MTNR1A: variants seen among roughly 807,000 people sequenced by gnomAD.
The protein encoded by MTNR1A is melatonin receptor 1A.
In MTNR1A, 7 loss-of-function variants were observed where a neutral mutation model predicts 5.5. The observed-to-expected ratio is 1.28, with a 90% CI of 0.73 to 2.40. The LOEUF is 2.40. MTNR1A is among the 30% of genes most tolerant of loss of function. The pLI is 0.00. For missense variants in MTNR1A, 441 were observed against 464.4 expected (o/e 0.95, Z 0.46); for synonymous variants, 196 against 202.7 (o/e 0.97, Z 0.28).
Position 186,533,799 on chromosome 4 carries a change from T to C in MTNR1A, c.943A>G (p.Thr315Ala), listed in dbSNP as rs562659160. ...CTGTCCACAAAGAACACCCTGGCTG[T>C]ACAGAGCGAGACTATAATTCTCCTG... is the stretch of plus-strand genomic sequence containing the variant. Reference protein sequence around the residue: ...EYRRIIVSLCTARVFFVDSSN... With the variant: ...EYRRIIVSLCAARVFFVDSSN... The change falls in exon 2 of 2, where the codon ACA becomes GCA. Residue 315 changes from threonine to alanine, a missense_variant. Coordinates refer to ENST00000307161, the MANE Select transcript of MTNR1A (RefSeq NM_005958.4). The C allele has an allele frequency of 6.8e-6, 11 of 1,614,102 alleles. No individual in the cohort carries two copies. Among genetic ancestry groups the C allele is most frequent in the Non-Finnish European group, 8.5e-6 (10 of 1,180,054 alleles).
At chr4:186,546,414 C>T (rs1579253368) in intron 1 of MTNR1A, among the ~76,000 whole-genome samples, 1 of 152,036 alleles carries the variant, frequency 6.6e-6, no homozygotes, top group East Asian at 1.9e-4. Flanking sequence ...GTGCATCACC[C>T]CGCAATGCCC....
chr4:186,533,904 T>G lies in MTNR1A; in HGVS notation c.838A>C (p.Ser280Arg). ...PRIPEWLFVA[S>R]YYMAYFNSCL... ...CTGTTGAAATACGCCATGTAGTAACTGGCCACAAACAGCCACTCTGGGATC... is the reference window on the plus strand; with the variant it reads ...CTGTTGAAATACGCCATGTAGTAACGGGCCACAAACAGCCACTCTGGGATC... Residue 280 changes from serine (S) to arginine (R), a missense_variant, in exon 2 of 2, where the codon AGT becomes CGT. Coordinates refer to ENST00000307161, the MANE Select transcript of MTNR1A (RefSeq NM_005958.4). 6.2e-7 allele frequency: 1 copy of G among 1,614,182 alleles called. No homozygotes were observed. The highest frequency in any genetic ancestry group is 1.6e-4 in the Middle Eastern group (1 of 6,062).
intron 1 of MTNR1A, among the ~76,000 whole-genome samples, chr4:186,544,991 C>A (rs989416393): frequency 9.2e-5 from 14 of 152,136 alleles, no homozygotes; most frequent in African/African-American, 3.1e-4. Context: ...CGCCCAGAGG[C>A]CCCAACTTAT....
intron 1 of MTNR1A, among the ~76,000 whole-genome samples, chr4:186,554,777 G>T (rs1310607825): frequency 6.6e-6 from 1 of 152,204 alleles, no homozygotes; most frequent in Non-Finnish European, 1.5e-5. Context: ...CATTTTGCCA[G>T]CTTCTATGTT....
rs113102490 is a variant in MTNR1A at position 186,534,283 on chromosome 4, G to A, written c.459C>T (p.Leu153=). 4 of 1,614,072 alleles carry A rather than the reference G, an allele frequency of 2.5e-6. No homozygotes were observed. The highest frequency in any genetic ancestry group is 1.7e-6 in the Non-Finnish European group (2 of 1,180,044). The change falls in exon 2 of 2, where the codon CTC becomes CTT. Residue 153 remains leucine, a synonymous_variant. Transcript: ENST00000307161. ...TGGGCAGGACGGCCGCCAGCGTCAG[G>A]AGCCATATGAGGAGCACGTAGCAGA... The part of the protein sequence containing the change: ...NSLCYVLLIW[L]LTLAAVLPNL...
In MTNR1A at chr4:186,534,388, G is replaced by A. The variant is rs750086653; in HGVS notation, c.354C>T (p.Ile118=). Residue 118 remains isoleucine, a synonymous_variant, in exon 2 of 2, where the codon ATC becomes ATT. Transcript: ENST00000307161. ...AGTAGCGGTTGATGGCGATGCCGGT[G>A]ATGTTGAATATGGAGCCGATGACGC... ...GLSVIGSIFN[I]TGIAINRYCY... is the part of the protein sequence containing the mutation. 4 of 1,614,018 alleles carry A rather than the reference G, an allele frequency of 2.5e-6. No homozygotes were observed. The Admixed American group carries it at 5.0e-5, about 20-fold the overall frequency.
chr4:186,538,248 G>A (rs1484817275), intron 1 of MTNR1A, among the ~76,000 whole-genome samples: 1 of 152,196 alleles, frequency 6.6e-6, no homozygotes, highest in African/African-American at 2.4e-5. Context: ...ACAGTACCTG[G>A]CCGAGGGTTA....
intron 1 of MTNR1A, among the ~76,000 whole-genome samples, chr4:186,544,270 C>T (rs1354642731): frequency 2.0e-5 from 3 of 152,212 alleles, no homozygotes; most frequent in Non-Finnish European, 4.4e-5. Context: ...CCACCCACCT[C>T]GGCCTCCCAA....
At chr4:186,541,822 C>A (rs1173105359) in intron 1 of MTNR1A, among the ~76,000 whole-genome samples, 1 of 152,146 alleles carries the variant, frequency 6.6e-6, no homozygotes, top group Non-Finnish European at 1.5e-5. Context: ...TCCATGAAAC[C>A]AGTCCCTGGT....
At chr4:186,537,634 CA>C (rs1236700402) in intron 1 of MTNR1A, among the ~76,000 whole-genome samples, 1 of 152,138 alleles carries the variant, frequency 6.6e-6, no homozygotes, top group Non-Finnish European at 1.5e-5. Context: ...GATGAGAAAA[CA>C]AAAATATAGA....
At chr4:186,541,821 C>T (rs903036373) in intron 1 of MTNR1A, among the ~76,000 whole-genome samples, 1 of 152,178 alleles carries the variant, frequency 6.6e-6, no homozygotes, top group African/African-American at 2.4e-5. Context: ...TTCCATGAAA[C>T]CAGTCCCTGG....
intron 1 of MTNR1A, among the ~76,000 whole-genome samples, chr4:186,552,828 G>A (rs2126307763): frequency 6.6e-6 from 1 of 152,350 alleles, no homozygotes; most frequent in South Asian, 2.1e-4. Flanking sequence ...TTACTCAGAA[G>A]ATATGATATG....
chr4:186,535,336 CTAAA>C (rs976802522), intron 1 of MTNR1A, among the ~76,000 whole-genome samples: 12 of 152,090 alleles, frequency 7.9e-5, no homozygotes, highest in East Asian at 1.9e-4. Flanking sequence ...AACTTAAACC[CTAAA>C]TAGTCTGTTA....
intron 1 of MTNR1A, among the ~76,000 whole-genome samples, chr4:186,544,063 C>A (rs1430307683): frequency 6.6e-6 from 1 of 152,128 alleles, no homozygotes; most frequent in Non-Finnish European, 1.5e-5. Flanking sequence ...GGCTGGAATG[C>A]AGTGGTGTTA....
chr4:186,546,059 T>TCAG (rs1737131613), intron 1 of MTNR1A, among the ~76,000 whole-genome samples: 2 of 152,164 alleles, frequency 1.3e-5, no homozygotes, highest in Non-Finnish European at 2.9e-5. Context: ...TAACGTGACC[T>TCAG]CAGGTAAGTC....
intron 1 of MTNR1A, among the ~76,000 whole-genome samples, chr4:186,552,930 C>T (rs961039796): frequency 3.3e-5 from 5 of 152,328 alleles, no homozygotes; most frequent in Middle Eastern, 3.4e-3. Context: ...CAGCCTGCGT[C>T]GGCTGTGGCT....
chr4:186,540,807 T>TGAAG (rs10691765), intron 1 of MTNR1A, among the ~76,000 whole-genome samples: 37 of 25,722 alleles, frequency 1.4e-3, no homozygotes, highest in East Asian at 9.5e-3. Context: ...GCTGTCTGAC[T>TGAAG]GAAGGACCAG....
intron 1 of MTNR1A, among the ~76,000 whole-genome samples, chr4:186,535,778 G>A (rs1040307374): frequency 2.0e-5 from 3 of 152,020 alleles, no homozygotes; most frequent in Admixed American, 6.6e-5. Flanking sequence ...TTCTGCCTCT[G>A]TTTCTTACTA....
At chr4:186,535,662 C>T (rs1466037734) in intron 1 of MTNR1A, among the ~76,000 whole-genome samples, 7 of 152,316 alleles carry the variant, frequency 4.6e-5, no homozygotes, top group East Asian at 3.9e-4. Flanking sequence ...CCACTTGCCT[C>T]GGCCTCCCAA....
Sources: gnomAD v4.1 joint callset for allele counts (sites outside exome capture counted in the v4.1 genomes callset) on GRCh38, gnomAD v4.1.1 for gene constraint, MANE v1.5 for transcripts, NCBI Gene and HGNC (gene_info 2026-07-23, HGNC 2026-07-21) for gene names.